CHD9: variants seen among roughly 807,000 people sequenced by gnomAD.
CHD9 encodes chromodomain helicase DNA binding protein 9.
In CHD9, 77 loss-of-function variants were observed where a neutral mutation model predicts 316.1. The ratio of observed to expected loss-of-function variants is 0.24; its 90% CI spans 0.20 to 0.29. CHD9 has a LOEUF of 0.29. CHD9 is among the 10% of genes least tolerant of loss of function. The pLI is 1.00. For synonymous variants in CHD9, 1,129 were observed against 1,158.3 expected (o/e 0.97, Z 0.51); for missense variants, 2,763 against 3,438.1 (o/e 0.80, Z 4.91).
intron 1 of CHD9, among the ~76,000 whole-genome samples, chr16:53,063,594 G>A (rs1479746739): frequency 3.3e-5 from 5 of 151,724 alleles, no homozygotes; most frequent in East Asian, 3.9e-4. Flanking sequence ...GTGCAGTGGC[G>A]CAATCTTGGC....
intron 4 of CHD9, among the ~76,000 whole-genome samples, chr16:53,223,660 G>A (rs1597501828): frequency 6.6e-6 from 1 of 152,058 alleles, no homozygotes; most frequent in Non-Finnish European, 1.5e-5. Context: ...TTTCCATTAT[G>A]TAATTTTCAA....
chr16:53,095,969 C>A (rs759752365), intron 1 of CHD9, among the ~76,000 whole-genome samples: 2 of 151,936 alleles, frequency 1.3e-5, no homozygotes, highest in Non-Finnish European at 2.9e-5. Context: ...TCATTGTGAT[C>A]TCTTCATGGT....
At chr16:53,149,104 T>C (rs1483903475) in intron 1 of CHD9, among the ~76,000 whole-genome samples, 1 of 152,240 alleles carries the variant, frequency 6.6e-6, no homozygotes, top group Non-Finnish European at 1.5e-5. Flanking sequence ...TTTATTCCAT[T>C]GGAGTCAGAG....
chr16:53,231,276 A>G, intron 8 of CHD9, 143 bp from the exon 9 acceptor site: 1 of 533,286 alleles, frequency 1.9e-6, no homozygotes, highest in Non-Finnish European at 3.4e-6. Flanking sequence ...TCATTTGGAA[A>G]TGAAAATGGA....
Position 53,245,980 on chromosome 16 carries a change from G to A in CHD9, c.3454+130G>A, listed in dbSNP as rs1276289804. On this transcript the variant is annotated intron_variant, in intron 15 of 38. Transcript: ENST00000447540. This position sits in a 1 kb window ranked among gnomAD's most constrained non-coding sequence, Gnocchi z 4.1. Reference sequence around the variant, plus strand: ...TGTGATATTCTAAGGAATTACAAGTGTTACAGAATCAGAGGCAATGTGAAC... The same window carrying A: ...TGTGATATTCTAAGGAATTACAAGTATTACAGAATCAGAGGCAATGTGAAC... 3.1e-6 allele frequency: 2 copies of A among 635,730 alleles called. No homozygotes were observed. The highest frequency in any genetic ancestry group is 4.8e-6 in the Non-Finnish European group (2 of 419,870). 39.4% of individuals were successfully genotyped at this position (635,730 alleles called of 1,614,324 possible).
At chr16:53,231,983 C>G (rs1236938535) in intron 10 of CHD9, among the ~76,000 whole-genome samples, 199 bp downstream of exon 10, 1 of 151,900 alleles carries the variant, frequency 6.6e-6, no homozygotes, top group African/African-American at 2.4e-5. Context: ...TTGATTAGCA[C>G]GAGAGTGAGG....
intron 29 of CHD9, among the ~76,000 whole-genome samples, chr16:53,295,572 G>A (rs12918047): frequency 0.31 from 47,222 of 151,982 alleles, 7,913 homozygotes; most frequent in Admixed American, 0.47. Context: ...ATCTTTCTCA[G>A]TTGTATCTTC....
chr16:53,175,967 T>C (rs1403937500), intron 2 of CHD9, among the ~76,000 whole-genome samples: 1 of 152,198 alleles, frequency 6.6e-6, no homozygotes, highest in East Asian at 1.9e-4. Flanking sequence ...CATACTACTG[T>C]CTGTCGCCTT....
chr16:53,307,218 CT>C (rs2056067101), intron 32 of CHD9, among the ~76,000 whole-genome samples: 3 of 152,228 alleles, frequency 2.0e-5, no homozygotes, highest in Non-Finnish European at 4.4e-5. Flanking sequence ...GTCTGTATTA[CT>C]TTTTAATTAT....
rs145704515 is a variant in CHD9, at chr16:53,104,198, A to G, written c.-165+49121A>G. On this transcript the variant is annotated intron_variant, in intron 1 of 38. Transcript: ENST00000447540. ...TGACATTTTATTTTTTCCCCCTTGT[A>G]TTTAACCAGCACAAAGATTTGGCCA... is the stretch of plus-strand genomic sequence containing the variant. Among the ~76,000 whole-genome samples the G allele has an allele frequency of 3.3e-3, 502 of 152,300 alleles. 3 individuals carry two copies. Among genetic ancestry groups the G allele is most frequent in the African/African-American group, 0.012 (486 of 41,570 alleles).
At chr16:53,211,684 A>G (rs761277382) in intron 3 of CHD9, among the ~76,000 whole-genome samples, 2 of 152,106 alleles carry the variant, frequency 1.3e-5, no homozygotes, top group Admixed American at 6.6e-5. Flanking sequence ...GATAAGTAGT[A>G]TTGAAGTTTG....
chr16:53,138,536 A>G (rs2039880916), intron 1 of CHD9, among the ~76,000 whole-genome samples: 1 of 152,232 alleles, frequency 6.6e-6, no homozygotes, highest in South Asian at 2.1e-4. Context: ...AATTTCCAGG[A>G]GGCGAAGGGG....
At chr16:53,121,039 A>G (rs1434309613) in intron 1 of CHD9, among the ~76,000 whole-genome samples, 2 of 152,150 alleles carry the variant, frequency 1.3e-5, no homozygotes, top group African/African-American at 2.4e-5. Context: ...CAAAAACCCT[A>G]TAAACATACC....
At chr16:53,145,016 A>T (rs1041121132) in intron 1 of CHD9, among the ~76,000 whole-genome samples, 2 of 150,568 alleles carry the variant, frequency 1.3e-5, no homozygotes, top group African/African-American at 4.9e-5. Flanking sequence ...AAAAAAGTTC[A>T]TTTAGGATTG....
chr16:53,208,270 C>A, intron 2 of CHD9: 1 of 1,266,072 alleles, frequency 7.9e-7, no homozygotes, highest in South Asian at 1.3e-5. Flanking sequence ...TTGAGCACTG[C>A]CTGGGGTGGT....
intron 1 of CHD9, among the ~76,000 whole-genome samples, chr16:53,088,499 C>T (rs949463413): frequency 4.6e-5 from 7 of 151,820 alleles, no homozygotes; most frequent in African/African-American, 1.7e-4. Flanking sequence ...AGGATGGTCT[C>T]GATCTCCTGA....
chr16:53,170,476 T>A (rs2042623320), intron 2 of CHD9, among the ~76,000 whole-genome samples: 2 of 152,142 alleles, frequency 1.3e-5, no homozygotes, highest in African/African-American at 4.8e-5. Context: ...ACTTTGTAAT[T>A]ACCCTGCCTT....
chr16:53,167,833 A>C (rs902513039), intron 2 of CHD9, among the ~76,000 whole-genome samples: 18 of 151,990 alleles, frequency 1.2e-4, no homozygotes, highest in African/African-American at 3.9e-4. Context: ...TCTTACAAAA[A>C]TGTGCTATGG....
intron 2 of CHD9, among the ~76,000 whole-genome samples, chr16:53,203,508 T>C (rs1024125360): frequency 6.6e-6 from 1 of 152,224 alleles, no homozygotes; most frequent in Non-Finnish European, 1.5e-5. Context: ...TCATTCTTGC[T>C]CAAGGCTTGC....
Sources: gnomAD v4.1 joint callset for allele counts (sites outside exome capture counted in the v4.1 genomes callset) on GRCh38, gnomAD v4.1.1 for gene constraint, Gnocchi (gnomAD v3.1) non-coding constraint, MANE v1.5 for transcripts, NCBI Gene and HGNC (gene_info 2026-07-23, HGNC 2026-07-21) for gene names.